The following AGBL4 variants were observed in gnomAD, a reference collection of about 807,000 sequenced individuals.
AGBL4 encodes cytosolic carboxypeptidase 6.
A neutral mutation model predicts 66.4 loss-of-function variants in AGBL4; 58 were observed. That is an observed-to-expected ratio of 0.87 (90% CI 0.71 to 1.09). The LOEUF is 1.09. Ranked by LOEUF, AGBL4 falls within the 50% of genes least tolerant of loss-of-function variation. AGBL4 has a pLI of 0.00. For synonymous variants in AGBL4, 234 were observed against 222.9 expected (o/e 1.05, Z -0.44); for missense variants, 579 against 631.0 (o/e 0.92, Z 0.88).
chr1:48,812,431 AC>A (rs1052777451), intron 6 of AGBL4, among the ~76,000 whole-genome samples: 3 of 152,166 alleles, frequency 2.0e-5, no homozygotes, highest in African/African-American at 7.2e-5. Context: ...CTCCTGGACA[AC>A]ACTGCGCTGG....
intron 11 of AGBL4, among the ~76,000 whole-genome samples, chr1:48,552,279 G>C (rs1280668298): frequency 1.3e-5 from 2 of 152,078 alleles, no homozygotes; most frequent in African/African-American, 4.8e-5. Flanking sequence ...GATCAGGCTT[G>C]TCTCGAACTC....
intron 9 of AGBL4, among the ~76,000 whole-genome samples, chr1:48,602,683 T>C (rs1210698906): frequency 1.3e-5 from 2 of 152,208 alleles, no homozygotes; most frequent in African/African-American, 4.8e-5. Context: ...AAAAATAAAA[T>C]GGTTCCTATC....
intron 2 of AGBL4, among the ~76,000 whole-genome samples, chr1:49,782,783 G>A (rs995619551): frequency 1.3e-5 from 2 of 152,114 alleles, no homozygotes; most frequent in African/African-American, 4.8e-5. Flanking sequence ...TTGTCTCCTT[G>A]TTCTTTTCTC....
chr1:49,728,248 A>C (rs1649175578), intron 2 of AGBL4, among the ~76,000 whole-genome samples: 1 of 152,180 alleles, frequency 6.6e-6, no homozygotes, highest in Non-Finnish European at 1.5e-5. Context: ...TACCCAGCAT[A>C]ACTACAATTA....
chr1:48,601,484 T>G (rs1226220093), intron 9 of AGBL4, among the ~76,000 whole-genome samples: 2 of 152,212 alleles, frequency 1.3e-5, no homozygotes, highest in Non-Finnish European at 1.5e-5. Flanking sequence ...AGTAACTTTC[T>G]GTGCAATGAG....
chr1:49,956,405 A>G (rs1010456653), intron 1 of AGBL4, among the ~76,000 whole-genome samples: 1 of 151,914 alleles, frequency 6.6e-6, no homozygotes, highest in Non-Finnish European at 1.5e-5. Flanking sequence ...ACATTGTACC[A>G]GGAAGTACAG....
chr1:49,948,170 ATATATATAAC>A lies in AGBL4; in HGVS notation c.34+75583_34+75592del, dbSNP rs1456994513. ...TATATAAATATACGTAAATATATAA[ATATATATAAC>A]TATATATAAATATATATAAATATAA... On this transcript the variant is annotated intron_variant, in intron 1 of 13. Coordinates refer to ENST00000371839, the MANE Select transcript of AGBL4 (RefSeq NM_032785.4). Among the ~76,000 whole-genome samples the A allele has an allele frequency of 3.9e-5, 4 of 102,310 alleles. No homozygotes were observed. The South Asian group carries it at 8.9e-4, about 23-fold the overall frequency. 67.1% of individuals were successfully genotyped at this position (102,310 alleles called of 152,430 possible).
intron 3 of AGBL4, among the ~76,000 whole-genome samples, chr1:49,431,682 G>T (rs1570700574): frequency 6.6e-6 from 1 of 151,980 alleles, no homozygotes; most frequent in East Asian, 1.9e-4. Context: ...CTAATTCCTA[G>T]AATTTATTTC....
intron 1 of AGBL4, among the ~76,000 whole-genome samples, chr1:49,959,122 T>C (rs1656904997): frequency 1.3e-5 from 2 of 151,530 alleles, no homozygotes; most frequent in African/African-American, 4.8e-5. Flanking sequence ...GAGCTGTGAA[T>C]GGAAAGGAAG....
Position 49,926,205 on chromosome 1 carries a change from G to C in AGBL4, c.35-74687C>G, listed in dbSNP as rs986136111. Among the ~76,000 whole-genome samples, 8 of 152,300 alleles carry C rather than the reference G, an allele frequency of 5.3e-5. No individual in the cohort carries two copies. The South Asian group carries it at 1.0e-3, about 20-fold the overall frequency. ...AAAGAGACGTTCTGCTTATTTTAGAGAAAGTAAGAGAAAAGAACAAGAGTC... is the reference window on the plus strand; with the variant it reads ...AAAGAGACGTTCTGCTTATTTTAGACAAAGTAAGAGAAAAGAACAAGAGTC... On this transcript the variant is annotated intron_variant, in intron 1 of 13. Transcript: ENST00000371839.
chr1:49,050,595 TC>T (rs1644190417), intron 4 of AGBL4, among the ~76,000 whole-genome samples: 1 of 134,888 alleles, frequency 7.4e-6, no homozygotes, highest in African/African-American at 3.8e-5. Context: ...CTCAAAAACC[TC>T]CTTGCCTTTT....
intron 1 of AGBL4, among the ~76,000 whole-genome samples, chr1:49,920,424 G>T (rs1410273822): frequency 6.6e-6 from 1 of 152,110 alleles, no homozygotes; most frequent in East Asian, 1.9e-4. Context: ...TCAAAAAGTG[G>T]GCAAAGGATA....
intron 2 of AGBL4, among the ~76,000 whole-genome samples, chr1:49,813,324 G>C (rs1645150045): frequency 6.6e-6 from 1 of 152,082 alleles, no homozygotes; most frequent in Non-Finnish European, 1.5e-5. Context: ...TCACTAAGAT[G>C]GAATTTAAAA....
At chr1:49,384,565 C>T (rs1391800562) in intron 3 of AGBL4, among the ~76,000 whole-genome samples, 2 of 151,832 alleles carry the variant, frequency 1.3e-5, no homozygotes, top group Non-Finnish European at 2.9e-5. Flanking sequence ...TGCACTCCAG[C>T]CTGGGTGACA....
At chr1:49,525,054 T>C (rs929686566) in intron 3 of AGBL4, among the ~76,000 whole-genome samples, 1 of 152,094 alleles carries the variant, frequency 6.6e-6, no homozygotes, top group Non-Finnish European at 1.5e-5. Context: ...AACAATAATA[T>C]GTACCTTGCA....
At chr1:49,776,911 A>G (rs1204049741) in intron 2 of AGBL4, among the ~76,000 whole-genome samples, 1 of 152,152 alleles carries the variant, frequency 6.6e-6, no homozygotes, top group African/African-American at 2.4e-5. Flanking sequence ...TTAACACTGT[A>G]TTTGGCACAG....
intron 5 of AGBL4, among the ~76,000 whole-genome samples, chr1:49,025,944 T>C (rs1288037451): frequency 6.6e-6 from 1 of 152,200 alleles, no homozygotes; most frequent in African/African-American, 2.4e-5. Context: ...TTCAACTTTA[T>C]TGAAGCATTT....
At chr1:49,656,140 C>A (rs1436549284) in intron 3 of AGBL4, among the ~76,000 whole-genome samples, 1 of 150,868 alleles carries the variant, frequency 6.6e-6, no homozygotes, top group Admixed American at 6.6e-5. Context: ...GAGTGAGACT[C>A]CGTCTCAAAA....
chr1:49,242,449 A>G (rs1297830426), intron 4 of AGBL4, among the ~76,000 whole-genome samples: 1 of 151,970 alleles, frequency 6.6e-6, no homozygotes, highest in African/African-American at 2.4e-5. Flanking sequence ...GAATCATGTG[A>G]TTTCTGGCTG....
Sources: allele counts gnomAD v4.1 joint callset (sites outside exome capture counted in the v4.1 genomes callset), GRCh38; gene constraint gnomAD v4.1.1; transcripts MANE v1.5; gene names NCBI Gene and HGNC (gene_info 2026-07-23, HGNC 2026-07-21).